Variants in PIK3C2G observed in about 807,000 individuals in gnomAD.
PIK3C2G encodes the protein phosphatidylinositol-4-phosphate 3-kinase catalytic subunit type 2 gamma, also known as phosphatidylinositol 3-kinase C2 domain-containing subunit gamma.
A neutral mutation model predicts 181.1 loss-of-function variants in PIK3C2G; 168 were observed. The observed-to-expected ratio is 0.93, with a 90% CI of 0.82 to 1.05. PIK3C2G has a LOEUF of 1.05. PIK3C2G is among the 50% of genes least tolerant of loss of function. The probability of loss-of-function intolerance (pLI) is 0.00; values close to 1 mark genes in which losing one functional copy is unlikely to be tolerated. For synonymous variants in PIK3C2G, 573 were observed against 592.2 expected, an observed-to-expected ratio of 0.97 and a Z score of 0.47; for missense variants, 1,869 against 1,732.8, an observed-to-expected ratio of 1.08 and a Z score of -1.40.
rs796809996 is a variant in PIK3C2G, at chr12:18,420,851, G to A, written c.2316-90G>A. ...ATAATTGTTTTACCTTATGCACTGG[G>A]GGTAGAATTCATTCTCTGTTCTCCC... On this transcript the variant is annotated intron_variant, in intron 16 of 32. Transcript: ENST00000538779. The A allele has an allele frequency of 5.5e-5, 39 of 714,062 alleles. No individual in the cohort carries two copies. The African/African-American group carries it at 6.3e-4, about 12-fold the overall frequency. 44.2% of individuals were successfully genotyped at this position (714,062 alleles called of 1,614,324 possible).
intron 24 of PIK3C2G, among the ~76,000 whole-genome samples, chr12:18,526,648 GGTTTT>G (rs1943251393): frequency 6.6e-6 from 1 of 151,974 alleles, no homozygotes; most frequent in African/African-American, 2.4e-5. Flanking sequence ...TGTTTGTTTT[GGTTTT>G]GTTTTGTTTT....
At position 18,496,126 on chromosome 12, in the gene PIK3C2G, T is replaced by C; in HGVS notation, c.2858T>C (p.Met953Thr). ...ATTACTTTCATCAATGCTAATCCGA[T>C]GGGCAAAAACATCAGCATTATTTTT... ...LKITFINANP[M>T]GKNISIIFKA... Residue 953 changes from methionine (M) to threonine (T), a missense_variant, in exon 21 of 33, where the codon ATG becomes ACG. Physicochemically the swap from Met to Thr is moderately conservative, Grantham distance 81. Coordinates refer to ENST00000538779, the MANE Select transcript of PIK3C2G (RefSeq NM_001288772.2). 6.5e-7 allele frequency: 1 copy of C among 1,539,524 alleles called. No homozygotes were observed.
At chr12:18,532,536 G>A (rs1223074400) in intron 24 of PIK3C2G, among the ~76,000 whole-genome samples, 4 of 152,052 alleles carry the variant, frequency 2.6e-5, no homozygotes, top group African/African-American at 4.8e-5. Flanking sequence ...TTTACATATG[G>A]GTGTCTAATT....
Position 18,488,436 on chromosome 12 carries a change from C to A in PIK3C2G, c.2505-13C>A. The A allele has an allele frequency of 6.8e-7, 1 of 1,480,044 alleles. No homozygotes were observed. The highest frequency in any genetic ancestry group is 9.0e-7 in the Non-Finnish European group (1 of 1,113,364). 91.7% of individuals were successfully genotyped at this position (1,480,044 alleles called of 1,614,324 possible). ...TTTACATACAAGAATTTTTTTCTCT[C>A]TCTTTCCTTCAGGCTGCTAAAAAAT... On this transcript the variant is annotated splice_polypyrimidine_tract_variant and intron_variant, in intron 18 of 32. Transcript: ENST00000538779.
the PIK3C2G span, among the ~76,000 whole-genome samples, chr12:18,676,196 G>T: frequency 6.6e-6 from 1 of 152,064 alleles, no homozygotes; most frequent in Non-Finnish European, 1.5e-5. Context: ...AAAAACAAGA[G>T]AAAGAAACCA....
the PIK3C2G span, chr12:18,712,729 C>T: frequency 3.0e-6 from 4 of 1,321,436 alleles, no homozygotes; most frequent in Non-Finnish European, 4.3e-6. Context: ...GGATCATAAC[C>T]CACAATTTGA....
intron 5 of PIK3C2G, among the ~76,000 whole-genome samples, chr12:18,310,560 G>T (rs1247230650): frequency 6.6e-6 from 1 of 151,812 alleles, no homozygotes; most frequent in African/African-American, 2.4e-5. Context: ...GTCATATAAA[G>T]CTCTAAATTT....
Position 18,594,511 on chromosome 12 carries a change from C to T in PIK3C2G, c.4029C>T (p.Ser1343=). 1 of 1,553,622 alleles carries T rather than the reference C, an allele frequency of 6.4e-7. No individual in the cohort carries two copies. The highest frequency in any genetic ancestry group is 8.7e-7 in the Non-Finnish European group (1 of 1,155,874). The change falls in exon 30 of 33, where the codon AGC becomes AGT. Residue 1343 remains serine, a synonymous_variant. Coordinates refer to ENST00000538779, the MANE Select transcript of PIK3C2G (RefSeq NM_001288772.2). ...HEVTNSDCVL[S]FFLSEAVQQT... is the part of the protein sequence containing the mutation. ...TTTTTCAGAGTGATTGTGTACTTAG[C>T]TTTTTCCTCTCTGAGGCTGTGCAAC...
chr12:18,711,779 C>A, the PIK3C2G span, among the ~76,000 whole-genome samples: 40 of 151,894 alleles, frequency 2.6e-4, no homozygotes, highest in Non-Finnish European at 4.1e-4. Context: ...GTGGTAATGT[C>A]AAACAGGCAG....
chr12:18,393,354 G>C (rs1444622555), intron 15 of PIK3C2G, among the ~76,000 whole-genome samples: 3 of 151,882 alleles, frequency 2.0e-5, no homozygotes, highest in Non-Finnish European at 4.4e-5. Flanking sequence ...CCTTCAATGT[G>C]GTGAAACTTG....
At chr12:18,609,671 C>A in intron 31 of PIK3C2G, 42 bp downstream of exon 31, 2 of 1,211,000 alleles carry the variant, frequency 1.7e-6, no homozygotes, top group Non-Finnish European at 2.4e-6. Flanking sequence ...AAGCCTACAT[C>A]CAGAAATCAC....
At chr12:18,472,097 T>G (rs1225018965) in intron 18 of PIK3C2G, among the ~76,000 whole-genome samples, 1 of 152,164 alleles carries the variant, frequency 6.6e-6, no homozygotes, top group Non-Finnish European at 1.5e-5. Flanking sequence ...TCAATTTCTT[T>G]GTATCTTCAA....
intron 16 of PIK3C2G, among the ~76,000 whole-genome samples, chr12:18,405,396 T>TGTGGAGGTG (rs746678614): frequency 8.2e-6 from 1 of 121,934 alleles, no homozygotes; most frequent in African/African-American, 3.1e-5. Context: ...CAGCAACATT[T>TGTGGAGGTG]GTGTTGTTGT....
chr12:18,586,841 T>C (rs1052996670), intron 29 of PIK3C2G, among the ~76,000 whole-genome samples: 4 of 151,706 alleles, frequency 2.6e-5, no homozygotes, highest in Non-Finnish European at 5.9e-5. Context: ...CAGAAGCACA[T>C]AAAAAAGCTA....
chr12:18,533,104 A>G (rs2136223358), intron 24 of PIK3C2G, among the ~76,000 whole-genome samples: 1 of 152,152 alleles, frequency 6.6e-6, no homozygotes, highest in South Asian at 2.1e-4. Flanking sequence ...TTTGTATATA[A>G]TTTCCAGAGT....
intron 24 of PIK3C2G, among the ~76,000 whole-genome samples, chr12:18,519,234 G>A (rs1016914763): frequency 5.1e-4 from 77 of 152,298 alleles, no homozygotes; most frequent in African/African-American, 1.8e-3. Flanking sequence ...TTCTGTAGAT[G>A]TCTGTTAGGT....
chr12:18,248,338 C>T (rs1038928143), intron 1 of PIK3C2G, among the ~76,000 whole-genome samples: 4 of 151,974 alleles, frequency 2.6e-5, no homozygotes, highest in South Asian at 2.1e-4. Flanking sequence ...TTTGGGAGGC[C>T]GAGGCGGGCA....
At chr12:18,407,396 C>T (rs1254884329) in intron 16 of PIK3C2G, among the ~76,000 whole-genome samples, 1 of 151,970 alleles carries the variant, frequency 6.6e-6, no homozygotes, top group Non-Finnish European at 1.5e-5. Context: ...TAATATTAGT[C>T]CCAACATCTA....
chr12:18,315,230 G>C (rs1950809348), intron 6 of PIK3C2G, among the ~76,000 whole-genome samples: 1 of 152,084 alleles, frequency 6.6e-6, no homozygotes, highest in Non-Finnish European at 1.5e-5. Flanking sequence ...ACATAATGAG[G>C]CCAAAAGACA....
Sources: gnomAD v4.1 joint callset for allele counts (sites outside exome capture counted in the v4.1 genomes callset) on GRCh38, gnomAD v4.1.1 for gene constraint, MANE v1.5 for transcripts, NCBI Gene and HGNC (gene_info 2026-07-23, HGNC 2026-07-21) for gene names.